ANKRD33: variants seen among roughly 807,000 people sequenced by gnomAD.
The protein encoded by ANKRD33 is ankyrin repeat domain 33.
In ANKRD33, 20 loss-of-function variants were observed where a neutral mutation model predicts 20.6. The observed-to-expected ratio is 0.97, with a 90% CI of 0.68 to 1.41. The LOEUF is 1.41. ANKRD33 is among the 40% of genes most tolerant of loss of function. ANKRD33 has a pLI of 0.00. For synonymous variants in ANKRD33, 246 were observed against 245.0 expected, an observed-to-expected ratio of 1.00 and a Z score of -0.04; for missense variants, 545 against 579.6, an observed-to-expected ratio of 0.94 and a Z score of 0.61.
At position 51,888,342 on chromosome 12, in the gene ANKRD33, A is replaced by G. The variant is rs1421637092; in HGVS notation, c.145+11A>G. ...CCCTACGAACCCCAAGTAAGAAAAAACGACGACCCTCTCTCCGTGAGTCTC... is the reference window on the plus strand; with the variant it reads ...CCCTACGAACCCCAAGTAAGAAAAAGCGACGACCCTCTCTCCGTGAGTCTC... On this transcript the variant is annotated intron_variant, in intron 1 of 4. Transcript: ENST00000301190. The G allele has an allele frequency of 6.2e-7, 1 of 1,613,712 alleles. No individual in the cohort carries two copies. The highest frequency in any genetic ancestry group is 2.2e-5 in the East Asian group (1 of 44,872).
chr12:51,889,760 C>T, intron 4 of ANKRD33: 1 of 554,784 alleles, frequency 1.8e-6, no homozygotes. Flanking sequence ...GGAACCTAGC[C>T]CAGCTGGAAA....
chr12:51,889,759 C>A, intron 4 of ANKRD33: 1 of 558,756 alleles, frequency 1.8e-6, no homozygotes, highest in Non-Finnish European at 3.0e-6. Context: ...GGGAACCTAG[C>A]CCAGCTGGAA....
intron 4 of ANKRD33, chr12:51,890,264 T>TG (rs2139038740): frequency 4.0e-6 from 2 of 502,806 alleles, no homozygotes; most frequent in East Asian, 8.0e-5. Flanking sequence ...CCCCAGAGGG[T>TG]GCAGCTCAGG....
In ANKRD33 at chr12:51,891,315, G is replaced by A. The variant is rs776102732; in HGVS notation, c.*10G>A. On this transcript the variant is annotated 3_prime_UTR_variant, in exon 5 of 5. Transcript: ENST00000301190. ...AATGGCACAGAAGTAGGGGAAGATG[G>A]GATAGGACAGGCTGGGAACAGGTAA... The A allele has an allele frequency of 1.2e-6, 2 of 1,611,722 alleles. No individual in the cohort carries two copies. The highest frequency in any genetic ancestry group is 1.7e-6 in the Non-Finnish European group (2 of 1,178,504).
At chr12:51,889,217 A>T in intron 3 of ANKRD33, 21 bp downstream of exon 3, 6 of 1,613,930 alleles carry the variant, frequency 3.7e-6, no homozygotes, top group Non-Finnish European at 3.4e-6. Context: ...GCTGCACCCC[A>T]CTTCCGACAG....
chr12:51,888,416 C>G, intron 1 of ANKRD33, 85 bp downstream of exon 1: 1 of 1,589,354 alleles, frequency 6.3e-7, no homozygotes, highest in Non-Finnish European at 8.6e-7. Flanking sequence ...GGCTCCTGAC[C>G]CAGCGCTTGT....
intron 1 of ANKRD33, 45 bp downstream of exon 1, chr12:51,888,376 G>A: frequency 6.2e-7 from 1 of 1,611,966 alleles, no homozygotes; most frequent in East Asian, 2.2e-5. Flanking sequence ...TCACTGGGGT[G>A]CTGACCTAGA....
intron 1 of ANKRD33, 90 bp downstream of exon 1, chr12:51,888,421 G>A (rs1483595552): frequency 1.9e-6 from 3 of 1,585,370 alleles, no homozygotes; most frequent in African/African-American, 1.4e-5. Flanking sequence ...CTGACCCAGC[G>A]CTTGTCCTTT....
Position 51,888,269 on chromosome 12 carries a change from T to C in ANKRD33, c.83T>C (p.Val28Ala), listed in dbSNP as rs1217848160. The C allele has an allele frequency of 2.5e-6, 4 of 1,613,822 alleles. No homozygotes were observed. The highest frequency in any genetic ancestry group is 2.5e-6 in the Non-Finnish European group (3 of 1,179,892). The change falls in exon 1 of 5, where the codon GTG becomes GCG. Residue 28 changes from valine to alanine, a missense_variant. By Grantham distance (64) the Val-to-Ala change is moderately conservative. Coordinates refer to ENST00000301190, the MANE Select transcript of ANKRD33 (RefSeq NM_182608.4). ...GAGGCATTCGGAGACCCAGTGATTG[T>C]GCTCCGCGGAGCCTGGGCTGTGCCC... ...HLEAFGDPVI[V>A]LRGAWAVPRV...
At position 51,888,835 on chromosome 12, in the gene ANKRD33, T is replaced by C; in HGVS notation, c.396+17T>C. ...AATGGGAGGGTGAGATGTCCTGGCTTCCCAGAACAGCTGGGGGCATCTTTG... is the reference window on the plus strand; with the variant it reads ...AATGGGAGGGTGAGATGTCCTGGCTCCCCAGAACAGCTGGGGGCATCTTTG... On this transcript the variant is annotated intron_variant, in intron 2 of 4. Transcript: ENST00000301190. 6.2e-7 allele frequency: 1 copy of C among 1,611,536 alleles called. No individual in the cohort carries two copies. The highest frequency in any genetic ancestry group is 8.5e-7 in the Non-Finnish European group (1 of 1,179,806).
chr12:51,889,605 GGA>G, intron 4 of ANKRD33, 123 bp downstream of exon 4: 1 of 1,455,736 alleles, frequency 6.9e-7, no homozygotes, highest in Non-Finnish European at 9.1e-7. Context: ...TTTGCAGAAA[GGA>G]GAGAGGTGGA....
chr12:51,890,186 TG>T, intron 4 of ANKRD33: 1 of 371,364 alleles, frequency 2.7e-6, no homozygotes, highest in Admixed American at 3.7e-5. Flanking sequence ...AACCCCAAGA[TG>T]GGAGAGGGAG....
rs994572522 is a variant in ANKRD33 at position 51,889,222 on chromosome 12, C to T, written c.526+26C>T. ...GTGTGAGGCTGCTGCACCCCACTTCCGACAGCCCCCTTTTGATGCAGACAG... is the reference window on the plus strand; with the variant it reads ...GTGTGAGGCTGCTGCACCCCACTTCTGACAGCCCCCTTTTGATGCAGACAG... On this transcript the variant is annotated intron_variant, in intron 3 of 4. Transcript: ENST00000301190. 5.6e-6 allele frequency: 9 copies of T among 1,613,908 alleles called. No homozygotes were observed. The African/African-American group carries it at 6.7e-5, about 12-fold the overall frequency.
intron 4 of ANKRD33, chr12:51,890,287 C>A (rs1434970591): frequency 2.2e-5 from 13 of 600,644 alleles, no homozygotes; most frequent in Non-Finnish European, 2.9e-5. Context: ...TCTGCCTGTC[C>A]TGGGCAGCCT....
rs199612364 is a variant in ANKRD33 at position 51,891,211 on chromosome 12, G to T, written c.1265G>T (p.Gly422Val). The part of the protein sequence containing the change: ...HQCQPKPSPS[G>V]HQSLALPLWR... Reference sequence around the variant, plus strand: ...TGCCAGCCGAAGCCCAGTCCTTCAGGACACCAAAGTCTGGCCCTTCCTCTC... The same window carrying T: ...TGCCAGCCGAAGCCCAGTCCTTCAGTACACCAAAGTCTGGCCCTTCCTCTC... Residue 422 changes from glycine (G) to valine (V), a missense_variant, in exon 5 of 5, where the codon GGA becomes GTA. Coordinates refer to ENST00000301190, the MANE Select transcript of ANKRD33 (RefSeq NM_182608.4). 5 of 1,614,132 alleles carry T rather than the reference G, an allele frequency of 3.1e-6. No individual in the cohort carries two copies. Among genetic ancestry groups the T allele is most frequent in the African/African-American group, 2.7e-5 (2 of 74,926 alleles).
At chr12:51,888,392 C>T in intron 1 of ANKRD33, 61 bp downstream of exon 1, 1 of 1,605,792 alleles carries the variant, frequency 6.2e-7, no homozygotes, top group Non-Finnish European at 8.5e-7. Context: ...CTAGAGTGAA[C>T]CCTGCTTGCT....
At chr12:51,890,233 C>T in intron 4 of ANKRD33, 1 of 431,556 alleles carries the variant, frequency 2.3e-6, no homozygotes, top group Non-Finnish European at 4.3e-6. Flanking sequence ...AGGGAACCAG[C>T]CGATCATCCC....
At chr12:51,890,371 C>A in intron 4 of ANKRD33, 1 of 1,243,676 alleles carries the variant, frequency 8.0e-7, no homozygotes, top group South Asian at 1.3e-5. Flanking sequence ...CACAATAGGT[C>A]TCTCTGAAGT....
At chr12:51,889,869 T>G in intron 4 of ANKRD33, 1 of 248,098 alleles carries the variant, frequency 4.0e-6, no homozygotes, top group Non-Finnish European at 7.9e-6. Flanking sequence ...GGTGTTAGCT[T>G]TCCCTGGGAC....
Sources: allele counts gnomAD v4.1 joint callset, GRCh38; gene constraint gnomAD v4.1.1; transcripts MANE v1.5; gene names NCBI Gene and HGNC (gene_info 2026-07-23, HGNC 2026-07-21).